The following PCDHGB5 variants were observed in gnomAD, a reference collection of about 807,000 sequenced individuals.
PCDHGB5 encodes protocadherin gamma subfamily B, 5, also known as protocadherin gamma-B5.
A neutral mutation model predicts 62.9 loss-of-function variants in PCDHGB5; 48 were observed. That is an observed-to-expected ratio of 0.76 (90% CI 0.61 to 0.97). PCDHGB5 has a LOEUF of 0.97. Ranked by LOEUF, PCDHGB5 falls within the 50% of genes least tolerant of loss-of-function variation. The probability of loss-of-function intolerance (pLI) is 0.00; values close to 1 mark genes in which losing one functional copy is unlikely to be tolerated. For synonymous variants in PCDHGB5, 474 were observed against 511.2 expected (o/e 0.93, Z 0.98); for missense variants, 1,118 against 1,198.6 (o/e 0.93, Z 0.99).
At position 141,474,199 on chromosome 5, in the gene PCDHGB5, G is replaced by C. The variant is rs74540928; in HGVS notation, c.2398-20608G>C. Reference sequence around the variant, plus strand: ...AAAACTACTTACATTTTTAAAAGCTGATTTTCAAAAACCAGATTGTGAATT... The same window carrying C: ...AAAACTACTTACATTTTTAAAAGCTCATTTTCAAAAACCAGATTGTGAATT... On this transcript the variant is annotated intron_variant, in intron 1 of 3. Transcript: ENST00000617380. Among the ~76,000 whole-genome samples, 85 of 152,308 alleles carry C rather than the reference G, an allele frequency of 5.6e-4. 1 individual carries two copies. In the East Asian group the frequency reaches 0.016, roughly 29 times the overall value.
rs144113016 is a variant in PCDHGB5 at position 141,428,135 on chromosome 5, G to T, written c.2397+27611G>T. On this transcript the variant is annotated intron_variant, in intron 1 of 3. Coordinates refer to ENST00000617380, the MANE Select transcript of PCDHGB5 (RefSeq NM_018925.3). Reference sequence around the variant, plus strand: ...CCATCGAGCCCGGGCTTTTCAGCCTGGGGCTGCACACGGGAACCTGCTGGT... The same window carrying T: ...CCATCGAGCCCGGGCTTTTCAGCCTTGGGCTGCACACGGGAACCTGCTGGT... 347 of 1,601,046 alleles carry T rather than the reference G, an allele frequency of 2.2e-4. No homozygotes were observed. The African/African-American group carries it at 3.9e-3, about 18-fold the overall frequency.
chr5:141,503,304 A>G (rs946582779), intron 2 of PCDHGB5, among the ~76,000 whole-genome samples: 1 of 152,150 alleles, frequency 6.6e-6, no homozygotes, highest in African/African-American at 2.4e-5. Flanking sequence ...ATTGCTCAAG[A>G]AAGAATTGTT....
chr5:141,405,540 C>A (rs2094682922), intron 1 of PCDHGB5: 1 of 641,202 alleles, frequency 1.6e-6, no homozygotes, highest in African/African-American at 1.8e-5. Context: ...CTGCCTCAGC[C>A]TCCCAAGTAG....
chr5:141,445,120 AT>A (rs1287463110), intron 1 of PCDHGB5, among the ~76,000 whole-genome samples: 1 of 152,228 alleles, frequency 6.6e-6, no homozygotes, highest in African/African-American at 2.4e-5. Flanking sequence ...TGTAAATAGT[AT>A]TTTTAAAATT....
In PCDHGB5 at chr5:141,476,529, A is replaced by G. The variant is rs752442904; in HGVS notation, c.2398-18278A>G. On this transcript the variant is annotated intron_variant, in intron 1 of 3. Coordinates refer to ENST00000617380, the MANE Select transcript of PCDHGB5 (RefSeq NM_018925.3). The surrounding 1 kb of genome is among the most constrained non-coding windows in gnomAD (Gnocchi z 7.6). ...GACAACAATCCTGCTTTCCCTACCCAGGAAATGAAATTGGAGATTAGCGAG... is the reference window on the plus strand; with the variant it reads ...GACAACAATCCTGCTTTCCCTACCCGGGAAATGAAATTGGAGATTAGCGAG... 2.8e-5 allele frequency: 46 copies of G among 1,614,198 alleles called. No individual in the cohort carries two copies. Among genetic ancestry groups the G allele is most frequent in the Non-Finnish European group, 3.8e-5 (45 of 1,180,044 alleles).
intron 1 of PCDHGB5, chr5:141,441,118 G>C (rs1265461098): frequency 6.6e-6 from 1 of 152,212 alleles, no homozygotes; most frequent in Non-Finnish European, 1.5e-5. Flanking sequence ...CCAGTGTACA[G>C]TTGAGACCGA....
chr5:141,485,116 G>T lies in PCDHGB5; in HGVS notation c.2398-9691G>T, dbSNP rs904145668. ...TGTCTCCAGCTGCTGTGGCTGTTTGGGGCGGGTCGGCTTCATCCGCGTCTC... is the reference window on the plus strand; with the variant it reads ...TGTCTCCAGCTGCTGTGGCTGTTTGTGGCGGGTCGGCTTCATCCGCGTCTC... On this transcript the variant is annotated intron_variant, in intron 1 of 3. Coordinates refer to ENST00000617380, the MANE Select transcript of PCDHGB5 (RefSeq NM_018925.3). This position sits in a 1 kb window ranked among gnomAD's most constrained non-coding sequence, Gnocchi z 5.7. 3.0e-6 allele frequency: 4 copies of T among 1,312,058 alleles called. No homozygotes were observed. The African/African-American group carries it at 5.8e-5, about 19-fold the overall frequency. 81.3% of individuals were successfully genotyped at this position (1,312,058 alleles called of 1,614,324 possible).
rs549266523 is a variant in PCDHGB5 at position 141,408,917 on chromosome 5, C to A, written c.2397+8393C>A. ...TTCTGTCAAGGATACCAATGATAAC[C>A]CCCCGGTTTTCAGCAGAGACGAATA... On this transcript the variant is annotated intron_variant, in intron 1 of 3. Coordinates refer to ENST00000617380, the MANE Select transcript of PCDHGB5 (RefSeq NM_018925.3). 12 of 1,613,366 alleles carry A rather than the reference C, an allele frequency of 7.4e-6. No homozygotes were observed. In the African/African-American group the frequency reaches 1.6e-4, roughly 22 times the overall value.
chr5:141,410,086 G>C (rs759204005), intron 1 of PCDHGB5: 1 of 1,612,588 alleles, frequency 6.2e-7, no homozygotes, highest in Non-Finnish European at 8.5e-7. Flanking sequence ...AGGTGCGCAC[G>C]GCTCGAGCCT....
chr5:141,407,732 A>G (rs1294403186), intron 1 of PCDHGB5, among the ~76,000 whole-genome samples: 3 of 152,242 alleles, frequency 2.0e-5, no homozygotes, highest in Non-Finnish European at 4.4e-5. Flanking sequence ...AAGGTTCACT[A>G]TATATACTCC....
At chr5:141,428,112 A>G (rs2097111373) in intron 1 of PCDHGB5, 1 of 1,607,642 alleles carries the variant, frequency 6.2e-7, no homozygotes, top group Non-Finnish European at 8.5e-7. Context: ...GCTGCAGGCC[A>G]TCGAGCCCGG....
chr5:141,413,671 G>A (rs2095665360), intron 1 of PCDHGB5: 13 of 1,613,878 alleles, frequency 8.1e-6, no homozygotes, highest in Non-Finnish European at 9.3e-6. Flanking sequence ...TGATCCGGAT[G>A]TGGGCGTGAA....
At position 141,433,358 on chromosome 5, in the gene PCDHGB5, C is replaced by CTATCTAT. The variant is rs2097585632; in HGVS notation, c.2397+32834_2397+32835insTATCTAT. ...ACAGGTGCAAGCCACCTACTGTCTG[C>CTATCTAT]CTATCTATCTATCTATCTATCTATC... On this transcript the variant is annotated intron_variant, in intron 1 of 3. Coordinates refer to ENST00000617380, the MANE Select transcript of PCDHGB5 (RefSeq NM_018925.3). 11 of 503,932 alleles carry CTATCTAT rather than the reference C, an allele frequency of 2.2e-5. No individual in the cohort carries two copies. The African/African-American group carries it at 2.3e-4, about 10-fold the overall frequency. The allele number at this position is 503,932 out of a possible 1,614,324, so 31.2% of individuals were successfully genotyped here.
intron 1 of PCDHGB5, chr5:141,412,306 A>G (rs1160364599): frequency 1.3e-5 from 2 of 152,238 alleles, no homozygotes; most frequent in Non-Finnish European, 2.9e-5. Flanking sequence ...TCTCATTACA[A>G]TGCAAACAGT....
In PCDHGB5 at chr5:141,493,026, C is replaced by T. The variant is rs73280358; in HGVS notation, c.2398-1781C>T. 6.6e-6 allele frequency among the ~76,000 whole-genome samples: 1 copy of T among 152,190 alleles called. No individual in the cohort carries two copies. The highest frequency in any genetic ancestry group is 1.5e-5 in the Non-Finnish European group (1 of 68,034). Reference sequence around the variant, plus strand: ...TAGGCTCTGCCAGATGCCAGGGTGCCCTTATGTGTGAGGAAACTACAATAG... The same window carrying T: ...TAGGCTCTGCCAGATGCCAGGGTGCTCTTATGTGTGAGGAAACTACAATAG... On this transcript the variant is annotated intron_variant, in intron 1 of 3. Coordinates refer to ENST00000617380, the MANE Select transcript of PCDHGB5 (RefSeq NM_018925.3). This position sits in a 1 kb window ranked among gnomAD's most constrained non-coding sequence, Gnocchi z 4.3.
intron 1 of PCDHGB5, chr5:141,419,006 A>T: frequency 6.2e-7 from 1 of 1,614,006 alleles, no homozygotes. Context: ...TGGGGAAGTC[A>T]GGTGTAGCTT....
chr5:141,422,626 C>A, intron 1 of PCDHGB5: 2 of 1,613,334 alleles, frequency 1.2e-6, no homozygotes, highest in Non-Finnish European at 1.7e-6. Flanking sequence ...CGAAAACAAC[C>A]CCAGGGGTGC....
intron 1 of PCDHGB5, chr5:141,409,515 T>C (rs1273041163): frequency 5.0e-6 from 8 of 1,613,844 alleles, no homozygotes; most frequent in Non-Finnish European, 6.8e-6. Context: ...AGTAGAAGCA[T>C]CACCTTGTAT....
At chr5:141,414,244 T>A in intron 1 of PCDHGB5, 1 of 1,613,526 alleles carries the variant, frequency 6.2e-7, no homozygotes, top group Admixed American at 1.7e-5. Context: ...CACGTCTCTA[T>A]TTAGTCCAGT....
Sources: allele counts gnomAD v4.1 joint callset (sites outside exome capture counted in the v4.1 genomes callset), GRCh38; gene constraint gnomAD v4.1.1; non-coding constraint Gnocchi (gnomAD v3.1); transcripts MANE v1.5; gene names NCBI Gene and HGNC (gene_info 2026-07-23, HGNC 2026-07-21).